The following ITPR2 variants were observed in gnomAD, a reference collection of about 807,000 sequenced individuals.
The protein encoded by ITPR2 is inositol 1,4,5-trisphosphate-gated calcium channel ITPR2.
ITPR2 carries 207 observed loss-of-function variants against 317.1 expected under a neutral mutation model. That is an observed-to-expected ratio of 0.65 (90% CI 0.58 to 0.73). ITPR2 has a LOEUF of 0.73. Among genes scored for constraint, ITPR2 ranks in the 30% least tolerant of loss-of-function variants. The probability of loss-of-function intolerance (pLI) is 0.00; values close to 1 mark genes in which losing one functional copy is unlikely to be tolerated. For missense variants in ITPR2, 2,613 were observed against 3,284.0 expected (o/e 0.80, Z 4.99); for synonymous variants, 1,156 against 1,149.1 (o/e 1.01, Z -0.12).
At chr12:26,769,598 G>C (rs1347072572) in intron 2 of ITPR2, among the ~76,000 whole-genome samples, 1 of 151,982 alleles carries the variant, frequency 6.6e-6, no homozygotes, top group Non-Finnish European at 1.5e-5. Flanking sequence ...ACTCAGAAGA[G>C]AGAAAAACAA....
At chr12:26,573,800 T>A (rs938648913) in intron 34 of ITPR2, among the ~76,000 whole-genome samples, 1 of 152,060 alleles carries the variant, frequency 6.6e-6, no homozygotes, top group Non-Finnish European at 1.5e-5. Context: ...TGGAGGGTGA[T>A]GGGAAAAGGT....
Position 26,682,517 on chromosome 12 carries a change from C to G in ITPR2, c.1248+57G>C, listed in dbSNP as rs150779977. 55 of 1,064,230 alleles carry G rather than the reference C, an allele frequency of 5.2e-5. No individual in the cohort carries two copies. In the African/African-American group the frequency reaches 7.4e-4, roughly 14 times the overall value. 65.9% of individuals were successfully genotyped at this position (1,064,230 alleles called of 1,614,324 possible). A position where few individuals can be genotyped will look rare whatever the true frequency, so the allele number is the denominator to read the frequency against. ...ACATGTGTCACACAGCATTCCTATC[C>G]TAATCCTATTCTCATGGCATTTGGC... On this transcript the variant is annotated intron_variant, in intron 12 of 56. Coordinates refer to ENST00000381340, the MANE Select transcript of ITPR2 (RefSeq NM_002223.4).
intron 36 of ITPR2, 108 bp downstream of exon 36, chr12:26,556,125 C>T (rs1390371362): frequency 1.5e-5 from 15 of 996,952 alleles, no homozygotes; most frequent in South Asian, 1.1e-4. Flanking sequence ...TTAGACCTTT[C>T]GCATACTTTG....
chr12:26,496,466 T>C (rs1012280826), intron 37 of ITPR2, among the ~76,000 whole-genome samples: 2 of 152,212 alleles, frequency 1.3e-5, no homozygotes, highest in African/African-American at 4.8e-5. Flanking sequence ...TTCTCCTTAG[T>C]TGCACAATCA....
At chr12:26,568,068 A>T (rs1945061217) in intron 34 of ITPR2, among the ~76,000 whole-genome samples, 1 of 144,728 alleles carries the variant, frequency 6.9e-6, no homozygotes, top group Non-Finnish European at 1.5e-5. Context: ...TATTCTTGGG[A>T]TTAGCAGTTA....
At chr12:26,651,495 C>G (rs1947253845) in intron 21 of ITPR2, among the ~76,000 whole-genome samples, 1 of 152,074 alleles carries the variant, frequency 6.6e-6, no homozygotes, top group South Asian at 2.1e-4. Context: ...GGGTTTTGGT[C>G]CATTTCTGAT....
chr12:26,512,139 C>T (rs904008245), intron 37 of ITPR2, among the ~76,000 whole-genome samples: 8 of 150,090 alleles, frequency 5.3e-5, no homozygotes, highest in Non-Finnish European at 8.9e-5. Flanking sequence ...CTGTGTCAGG[C>T]AAACCTGCCT....
At chr12:26,475,226 T>C in intron 45 of ITPR2, 70 bp downstream of exon 45, 1 of 1,559,478 alleles carries the variant, frequency 6.4e-7, no homozygotes, top group South Asian at 1.1e-5. Flanking sequence ...CTTGAAAATA[T>C]GACAAGCCAT....
intron 2 of ITPR2, among the ~76,000 whole-genome samples, chr12:26,768,463 A>AT (rs1949771210): frequency 1.5e-5 from 2 of 137,676 alleles, no homozygotes; most frequent in African/African-American, 2.7e-5. Flanking sequence ...AAATAAAAAA[A>AT]TAAAAATTTT....
intron 9 of ITPR2, among the ~76,000 whole-genome samples, chr12:26,696,538 G>A (rs1357535617): frequency 6.6e-6 from 1 of 151,764 alleles, no homozygotes; most frequent in Non-Finnish European, 1.5e-5. Flanking sequence ...ATACCAATGA[G>A]GGTTCTGAAA....
chr12:26,587,551 G>A (rs937309191), intron 32 of ITPR2, among the ~76,000 whole-genome samples: 1 of 152,170 alleles, frequency 6.6e-6, no homozygotes, highest in East Asian at 1.9e-4. Flanking sequence ...GGAGGCCACA[G>A]TATGGAACAG....
chr12:26,578,744 C>T lies in ITPR2; in HGVS notation c.4599G>A (p.Val1533=), dbSNP rs1254303868. Residue 1533 remains valine (V), a synonymous_variant, in exon 34 of 57, where the codon GTG becomes GTA. Transcript: ENST00000381340. ...CAGCCAAAGTTCTGATACAGGATTC[C>T]ACTGAGGCTTTCTGCGCTGGGTTTG... is the stretch of plus-strand genomic sequence containing the variant. The part of the protein sequence containing the change: ...TWPNPAQKAS[V]ESCIRTLAEV... 1.2e-6 allele frequency: 2 copies of T among 1,609,720 alleles called. No homozygotes were observed. The highest frequency in any genetic ancestry group is 1.7e-6 in the Non-Finnish European group (2 of 1,176,994).
intron 55 of ITPR2, among the ~76,000 whole-genome samples, chr12:26,356,414 G>T (rs1268441985): frequency 6.6e-6 from 1 of 152,214 alleles, no homozygotes; most frequent in Non-Finnish European, 1.5e-5. Flanking sequence ...GAATTCCCAG[G>T]AGACAAGTGA....
chr12:26,604,312 T>C (rs1946071700), intron 26 of ITPR2, among the ~76,000 whole-genome samples: 1 of 152,192 alleles, frequency 6.6e-6, no homozygotes, highest in African/African-American at 2.4e-5. Flanking sequence ...CTTTAACAAG[T>C]GACCCCCTCC....
intron 55 of ITPR2, among the ~76,000 whole-genome samples, chr12:26,380,226 C>T (rs1375517769): frequency 1.3e-5 from 2 of 152,146 alleles, no homozygotes; most frequent in African/African-American, 4.8e-5. Flanking sequence ...CTGTTAAGTA[C>T]CTATTACTTC....
At chr12:26,720,500 A>G (rs1948818081) in intron 5 of ITPR2, among the ~76,000 whole-genome samples, 1 of 152,148 alleles carries the variant, frequency 6.6e-6, no homozygotes, top group Non-Finnish European at 1.5e-5. Context: ...TATTTTAGGG[A>G]AAAAAACGAG....
At chr12:26,576,599 G>A (rs1591920365) in intron 34 of ITPR2, among the ~76,000 whole-genome samples, 1 of 152,188 alleles carries the variant, frequency 6.6e-6, no homozygotes, top group East Asian at 1.9e-4. Context: ...GAAGGTCTAT[G>A]TAGGAGGACT....
chr12:26,754,764 G>A (rs1949490509), intron 2 of ITPR2, among the ~76,000 whole-genome samples: 1 of 152,190 alleles, frequency 6.6e-6, no homozygotes, highest in African/African-American at 2.4e-5. Flanking sequence ...CAGTTTTTCT[G>A]TAAATTAAAC....
intron 37 of ITPR2, among the ~76,000 whole-genome samples, chr12:26,519,910 A>G (rs1273309165): frequency 6.6e-6 from 1 of 152,262 alleles, no homozygotes; most frequent in African/African-American, 2.4e-5. Flanking sequence ...AAGTGATATG[A>G]CAGAAACAAA....
Sources: allele counts gnomAD v4.1 joint callset (sites outside exome capture counted in the v4.1 genomes callset), GRCh38; gene constraint gnomAD v4.1.1; transcripts MANE v1.5; gene names NCBI Gene and HGNC (gene_info 2026-07-23, HGNC 2026-07-21).